FOXP2: variants seen among roughly 807,000 people sequenced by gnomAD.
FOXP2 encodes the protein forkhead box P2.
FOXP2 carries 12 observed loss-of-function variants against 115.8 expected under a neutral mutation model. That is an observed-to-expected ratio of 0.10 (90% confidence interval 0.07 to 0.17). FOXP2 has a LOEUF of 0.17. FOXP2 is among the 10% of genes least tolerant of loss of function. The pLI, the probability that FOXP2 is intolerant of heterozygous loss-of-function variation, is 1.00. For missense variants in FOXP2, 629 were observed against 843.5 expected (o/e 0.75, Z 3.15); for synonymous variants, 328 against 297.7 (o/e 1.10, Z -1.05).
At chr7:114,111,614 AT>A (rs773657554) in intron 1 of FOXP2, among the ~76,000 whole-genome samples, 1 of 152,028 alleles carries the variant, frequency 6.6e-6, no homozygotes, top group Non-Finnish European at 1.5e-5. Context: ...CTTTGGTCAC[AT>A]TTTTGCTATA....
chr7:114,549,639 T>A (rs1360341610), intron 3 of FOXP2, among the ~76,000 whole-genome samples: 2 of 152,216 alleles, frequency 1.3e-5, no homozygotes, highest in African/African-American at 4.8e-5. Flanking sequence ...ATGCTGTAAA[T>A]GCATAATGAT....
intron 1 of FOXP2, among the ~76,000 whole-genome samples, chr7:114,115,496 A>G (rs1367154872): frequency 6.6e-6 from 1 of 151,966 alleles, no homozygotes; most frequent in African/African-American, 2.4e-5. Flanking sequence ...CTGCTCTTCA[A>G]CACACTGGCA....
At chr7:114,469,001 G>A (rs1332278809) in intron 2 of FOXP2, among the ~76,000 whole-genome samples, 2 of 151,960 alleles carry the variant, frequency 1.3e-5, no homozygotes, top group Non-Finnish European at 2.9e-5. Context: ...TCTTCACTTG[G>A]CCTCTCTTTT....
At chr7:114,190,035 A>G (rs1256404087) in intron 1 of FOXP2, among the ~76,000 whole-genome samples, 1 of 152,206 alleles carries the variant, frequency 6.6e-6, no homozygotes, top group African/African-American at 2.4e-5. Context: ...GCATTCTAGC[A>G]TTATTTACTT....
intron 1 of FOXP2, among the ~76,000 whole-genome samples, chr7:114,137,266 G>C (rs1449993981): frequency 6.6e-6 from 1 of 151,998 alleles, no homozygotes; most frequent in Non-Finnish European, 1.5e-5. Context: ...ACAAGTATTG[G>C]GTTCATTATT....
intron 1 of FOXP2, among the ~76,000 whole-genome samples, chr7:114,256,749 T>G (rs1299352353): frequency 6.6e-6 from 1 of 152,148 alleles, no homozygotes; most frequent in Non-Finnish European, 1.5e-5. Context: ...CAATTGTTTT[T>G]GACCTCTTCA....
chr7:114,457,669 C>T (rs567964021), intron 2 of FOXP2, among the ~76,000 whole-genome samples: 90 of 152,190 alleles, frequency 5.9e-4, no homozygotes, highest in African/African-American at 1.8e-3. Flanking sequence ...GAGGCCAAGG[C>T]GGGCAGATCA....
chr7:114,256,375 G>A (rs1053965057), intron 1 of FOXP2, among the ~76,000 whole-genome samples: 2 of 152,162 alleles, frequency 1.3e-5, no homozygotes, highest in Non-Finnish European at 2.9e-5. Context: ...CCAAAGTGCT[G>A]GGATTATAGG....
rs549650480 is a variant in FOXP2 at position 114,579,389 on chromosome 7, C to T, written c.258+44683C>T. Among the ~76,000 whole-genome samples the T allele has an allele frequency of 9.9e-5, 15 of 152,200 alleles. No homozygotes were observed. The East Asian group carries it at 1.5e-3, about 16-fold the overall frequency. ...GGGTACAGAGGTTACAGAATTCTTT[C>T]GAGAAATTGTGATTCTAGATCAGTC... On this transcript the variant is annotated intron_variant, in intron 3 of 16. Transcript: ENST00000350908.
intron 2 of FOXP2, among the ~76,000 whole-genome samples, chr7:114,404,241 T>C (rs991904650): frequency 6.6e-6 from 1 of 152,106 alleles, no homozygotes; most frequent in African/African-American, 2.4e-5. Flanking sequence ...GAAATGTCGG[T>C]TTGGCAAATG....
chr7:114,271,811 T>C (rs2129173032), intron 1 of FOXP2, among the ~76,000 whole-genome samples: 1 of 120,106 alleles, frequency 8.3e-6, no homozygotes, highest in African/African-American at 3.4e-5. Context: ...TTTATATTTA[T>C]ATATAATATA....
intron 2 of FOXP2, among the ~76,000 whole-genome samples, chr7:114,377,307 A>AC (rs1792164950): frequency 6.6e-6 from 1 of 152,206 alleles, no homozygotes; most frequent in Non-Finnish European, 1.5e-5. Flanking sequence ...GTCAGTTAAA[A>AC]ATATTTTTAT....
intron 2 of FOXP2, among the ~76,000 whole-genome samples, chr7:114,363,726 A>T (rs1459672833): frequency 6.6e-6 from 1 of 152,098 alleles, no homozygotes; most frequent in Non-Finnish European, 1.5e-5. Flanking sequence ...AACATGCTAG[A>T]TAAAGATGCT....
At chr7:114,118,067 C>T (rs1791457162) in intron 1 of FOXP2, among the ~76,000 whole-genome samples, 1 of 152,158 alleles carries the variant, frequency 6.6e-6, no homozygotes, top group South Asian at 2.1e-4. Context: ...GTTGAGGGGT[C>T]ACATTAAGTC....
chr7:114,590,974 A>G (rs1802411640), intron 3 of FOXP2, among the ~76,000 whole-genome samples: 1 of 151,946 alleles, frequency 6.6e-6, no homozygotes, highest in Non-Finnish European at 1.5e-5. Flanking sequence ...TAAATTCAAA[A>G]CTCTTATTCT....
intron 16 of FOXP2, among the ~76,000 whole-genome samples, chr7:114,678,822 T>C (rs1807919350): frequency 6.6e-6 from 1 of 152,138 alleles, no homozygotes; most frequent in Non-Finnish European, 1.5e-5. Flanking sequence ...TGAGATTTGC[T>C]TTCATTGTTC....
chr7:114,441,022 C>A (rs1431428725), intron 2 of FOXP2, among the ~76,000 whole-genome samples: 1 of 152,126 alleles, frequency 6.6e-6, no homozygotes, highest in African/African-American at 2.4e-5. Flanking sequence ...CAGGCTTGGG[C>A]AGATTACTGC....
intron 2 of FOXP2, among the ~76,000 whole-genome samples, chr7:114,486,682 G>A (rs916291251): frequency 2.0e-5 from 3 of 152,208 alleles, no homozygotes; most frequent in African/African-American, 7.2e-5. Flanking sequence ...TACAAGCATT[G>A]GGTAAATATA....
At chr7:114,441,472 G>C (rs936344041) in intron 2 of FOXP2, among the ~76,000 whole-genome samples, 5 of 151,932 alleles carry the variant, frequency 3.3e-5, no homozygotes, top group Non-Finnish European at 7.4e-5. Flanking sequence ...AATTGGAGTG[G>C]AATGTCCACT....
Sources: gnomAD v4.1 joint callset for allele counts (sites outside exome capture counted in the v4.1 genomes callset) on GRCh38, gnomAD v4.1.1 for gene constraint, MANE v1.5 for transcripts, NCBI Gene and HGNC (gene_info 2026-07-23, HGNC 2026-07-21) for gene names.